Variants in LARS1 observed in about 807,000 individuals in gnomAD.
LARS1 encodes leucine--tRNA ligase, cytoplasmic.
A neutral mutation model predicts 162.8 loss-of-function variants in LARS1; 100 were observed. The observed-to-expected ratio is 0.61, with a 90% CI of 0.52 to 0.73. The LOEUF is 0.73. LARS1 is among the 30% of genes least tolerant of loss of function. The probability of loss-of-function intolerance (pLI) is 0.00; values close to 1 mark genes in which losing one functional copy is unlikely to be tolerated. For missense variants in LARS1, 1,258 were observed against 1,408.9 expected, an observed-to-expected ratio of 0.89 and a Z score of 1.71; for synonymous variants, 457 against 462.8, an observed-to-expected ratio of 0.99 and a Z score of 0.16.
At chr5:146,124,709 A>G (rs994336718) in intron 28 of LARS1, among the ~76,000 whole-genome samples, 2 of 151,996 alleles carry the variant, frequency 1.3e-5, no homozygotes, top group Admixed American at 6.6e-5. Context: ...ATATGCAGAT[A>G]TAACTACCTA....
chr5:146,140,181 T>G, intron 21 of LARS1, 23 bp downstream of exon 21: 1 of 1,592,712 alleles, frequency 6.3e-7, no homozygotes, highest in Non-Finnish European at 8.6e-7. Flanking sequence ...AATTTTAAAC[T>G]TTTAAGATGC....
At chr5:146,182,324 G>C (rs1255394464) in intron 1 of LARS1, 164 bp downstream of exon 1, 5 of 805,510 alleles carry the variant, frequency 6.2e-6, no homozygotes, top group Admixed American at 4.1e-5. Context: ...TCAGTTCGTG[G>C]TTCATAAACT....
At chr5:146,173,346 A>G (rs986755924) in intron 2 of LARS1, among the ~76,000 whole-genome samples, 1 of 151,522 alleles carries the variant, frequency 6.6e-6, no homozygotes, top group Non-Finnish European at 1.5e-5. Context: ...ATGAGACTCC[A>G]TCTCAAAAAA....
chr5:146,147,108 G>A (rs988686572), intron 15 of LARS1, among the ~76,000 whole-genome samples: 3 of 152,068 alleles, frequency 2.0e-5, no homozygotes, highest in East Asian at 1.9e-4. Flanking sequence ...ACCGGGAGTC[G>A]CCAAGGCCCA....
In LARS1 at chr5:146,115,451, G is replaced by A. The variant is rs142459542; in HGVS notation, c.3326-1140C>T. 3.4e-4 allele frequency among the ~76,000 whole-genome samples: 51 copies of A among 151,968 alleles called. No homozygotes were observed. In the East Asian group the frequency reaches 7.2e-3, roughly 21 times the overall value. On this transcript the variant is annotated intron_variant, in intron 31 of 31. Coordinates refer to ENST00000394434, the MANE Select transcript of LARS1 (RefSeq NM_020117.11). ...AACAAGTTGATGAGACAAGGAGAGC[G>A]GGGACAAGGCAGAGAAAGGACAGAA...
intron 20 of LARS1, among the ~76,000 whole-genome samples, chr5:146,140,886 C>CAT (rs951879171): frequency 3.3e-5 from 5 of 152,000 alleles, no homozygotes; most frequent in African/African-American, 4.8e-5. Context: ...TACACACACA[C>CAT]ATATATATAC....
At chr5:146,133,676 G>A (rs1752388719) in intron 22 of LARS1, among the ~76,000 whole-genome samples, 1 of 103,646 alleles carries the variant, frequency 9.6e-6, no homozygotes, top group South Asian at 3.3e-4. Flanking sequence ...CCCTACAATG[G>A]AACACTATAG....
intron 4 of LARS1, among the ~76,000 whole-genome samples, chr5:146,169,013 AT>A (rs1012577608): frequency 6.6e-6 from 1 of 152,138 alleles, no homozygotes. Context: ...ATGTATACAC[AT>A]GTAACAAAGC....
chr5:146,158,197 A>T (rs886595511), intron 8 of LARS1, among the ~76,000 whole-genome samples: 2 of 152,196 alleles, frequency 1.3e-5, no homozygotes, highest in African/African-American at 2.4e-5. Flanking sequence ...TTCTTTCCTT[A>T]TTGGTAAAAT....
At chr5:146,174,497 T>TAA (rs1754433318) in intron 2 of LARS1, among the ~76,000 whole-genome samples, 1 of 17,074 alleles carries the variant, frequency 5.9e-5, no homozygotes, top group African/African-American at 1.5e-4. Flanking sequence ...TATATATATA[T>TAA]ATCCATATAT....
rs137934160 is a variant in LARS1, at chr5:146,136,761, G to A, written c.2149-1097C>T. On this transcript the variant is annotated intron_variant, in intron 21 of 31. Transcript: ENST00000394434. ...TCCCAAAGTGCTGCAATTAACGGGC[G>A]TGAGCCACCGCACCCGGCCACAGAT... Among the ~76,000 whole-genome samples the A allele has an allele frequency of 1.4e-4, 22 of 152,126 alleles. No homozygotes were observed. In the South Asian group the frequency reaches 3.7e-3, roughly 26 times the overall value.
At chr5:146,160,138 A>T (rs549470703) in intron 7 of LARS1, among the ~76,000 whole-genome samples, 1 of 152,274 alleles carries the variant, frequency 6.6e-6, no homozygotes, top group African/African-American at 2.4e-5. Context: ...TCATGTAAGC[A>T]ATCCTCCTGC....
At chr5:146,140,623 G>T (rs11958630) in intron 20 of LARS1, among the ~76,000 whole-genome samples, 33,857 of 152,082 alleles carry the variant, frequency 0.22, 4,825 homozygotes, top group Admixed American at 0.34. Context: ...CTGGCCAGGA[G>T]GGTGAAGCCC....
intron 8 of LARS1, among the ~76,000 whole-genome samples, chr5:146,158,688 C>G (rs140634355): frequency 2.2e-4 from 34 of 152,312 alleles, no homozygotes; most frequent in African/African-American, 7.2e-4. Context: ...TATATCAAAT[C>G]TTGGTCACAT....
intron 25 of LARS1, 88 bp from the exon 26 acceptor site, chr5:146,129,206 G>A (rs988341211): frequency 7.1e-5 from 81 of 1,143,362 alleles, no homozygotes; most frequent in Non-Finnish European, 8.5e-5. Context: ...TCATACCAAG[G>A]ATACCATCTG....
At chr5:146,151,795 T>C in intron 14 of LARS1, 67 bp downstream of exon 14, 1 of 1,406,414 alleles carries the variant, frequency 7.1e-7, no homozygotes, top group South Asian at 1.2e-5. Flanking sequence ...TTCTACATTT[T>C]TTCTAATTAA....
chr5:146,139,963 T>C (rs1752699140), intron 21 of LARS1, among the ~76,000 whole-genome samples: 1 of 152,128 alleles, frequency 6.6e-6, no homozygotes, highest in South Asian at 2.1e-4. Flanking sequence ...TTCATATTAT[T>C]TCTTATTTAT....
chr5:146,149,748 T>C (rs1753189330), intron 14 of LARS1, 49 bp from the exon 15 acceptor site: 1 of 1,336,526 alleles, frequency 7.5e-7, no homozygotes, highest in Non-Finnish European at 1.1e-6. Flanking sequence ...AGTTAGAATC[T>C]GCCTTGAGTT....
rs1290882344 is a variant in LARS1, at chr5:146,140,878, C to T, written c.2091-617G>A. Among the ~76,000 whole-genome samples the T allele has an allele frequency of 2.6e-5, 4 of 151,978 alleles. No homozygotes were observed. In the East Asian group the frequency reaches 5.8e-4, roughly 22 times the overall value. On this transcript the variant is annotated intron_variant, in intron 20 of 31. Coordinates refer to ENST00000394434, the MANE Select transcript of LARS1 (RefSeq NM_020117.11). ...ATATACACACACACACATATATATA[C>T]ACACACACATATATATACACATATA... is the stretch of plus-strand genomic sequence containing the variant.
Sources: allele counts gnomAD v4.1 joint callset (sites outside exome capture counted in the v4.1 genomes callset), GRCh38; gene constraint gnomAD v4.1.1; transcripts MANE v1.5; gene names NCBI Gene and HGNC (gene_info 2026-07-23, HGNC 2026-07-21).